CA10: variants seen among roughly 807,000 people sequenced by gnomAD.
The protein encoded by CA10 is carbonic anhydrase 10 (inactive).
CA10 carries 14 observed loss-of-function variants against 44.2 expected under a neutral mutation model. The observed-to-expected ratio is 0.32, with a 90% CI of 0.21 to 0.50. The LOEUF (loss-of-function observed/expected upper bound fraction) is 0.50. CA10 is among the 20% of genes least tolerant of loss of function. The pLI, the probability that CA10 is intolerant of heterozygous loss-of-function variation, is 0.99. For synonymous variants in CA10, 159 were observed against 141.6 expected (o/e 1.12, Z -0.87); for missense variants, 350 against 409.7 (o/e 0.85, Z 1.26).
chr17:52,118,278 T>C (rs1273417324), intron 1 of CA10, among the ~76,000 whole-genome samples: 1 of 152,212 alleles, frequency 6.6e-6, no homozygotes, highest in Non-Finnish European at 1.5e-5. Flanking sequence ...TTCATTTGCC[T>C]TGTGGATAGA....
chr17:51,960,440 G>C (rs1306446513), intron 2 of CA10, among the ~76,000 whole-genome samples: 2 of 151,912 alleles, frequency 1.3e-5, no homozygotes, highest in Non-Finnish European at 2.9e-5. Context: ...AAAATTTCAT[G>C]CAAATTCTCA....
At chr17:51,736,042 C>T (rs528157698) in intron 4 of CA10, among the ~76,000 whole-genome samples, 2 of 152,136 alleles carry the variant, frequency 1.3e-5, no homozygotes, top group Non-Finnish European at 1.5e-5. Flanking sequence ...TCATATTGTA[C>T]AGTTTAAATT....
At chr17:51,780,050 A>T (rs1905993131) in intron 3 of CA10, among the ~76,000 whole-genome samples, 1 of 150,866 alleles carries the variant, frequency 6.6e-6, no homozygotes, top group Non-Finnish European at 1.5e-5. Context: ...TTGGCAATTA[A>T]TACTTTTTAA....
At chr17:51,649,598 G>T (rs984511103) in intron 5 of CA10, among the ~76,000 whole-genome samples, 2 of 152,212 alleles carry the variant, frequency 1.3e-5, no homozygotes, top group Non-Finnish European at 2.9e-5. Context: ...TGGTGATAGA[G>T]TGTGAAAAGG....
At chr17:51,680,349 C>T (rs918592798) in intron 4 of CA10, among the ~76,000 whole-genome samples, 2 of 152,194 alleles carry the variant, frequency 1.3e-5, no homozygotes, top group African/African-American at 2.4e-5. Context: ...AGCCAGGTTG[C>T]TGTCCAGACT....
At chr17:52,112,307 G>T (rs754197105) in intron 1 of CA10, among the ~76,000 whole-genome samples, 1 of 152,030 alleles carries the variant, frequency 6.6e-6, no homozygotes, top group Non-Finnish European at 1.5e-5. Flanking sequence ...GAATATAGCT[G>T]AGCTCTAGAT....
intron 6 of CA10, among the ~76,000 whole-genome samples, chr17:51,639,892 C>T (rs528098609): frequency 3.3e-5 from 5 of 152,220 alleles, no homozygotes; most frequent in South Asian, 2.1e-4. Context: ...ACTTTGCTCA[C>T]GGGGTTGTTT....
chr17:51,752,421 TTTTTG>T (rs368915702), intron 3 of CA10, among the ~76,000 whole-genome samples: 103 of 152,142 alleles, frequency 6.8e-4, no homozygotes, highest in African/African-American at 2.4e-3. Context: ...CTCACAGTTC[TTTTTG>T]TTTTACCTTA....
chr17:51,804,247 GAAC>G (rs1485039241), intron 3 of CA10, among the ~76,000 whole-genome samples: 1 of 152,064 alleles, frequency 6.6e-6, no homozygotes, highest in East Asian at 1.9e-4. Context: ...GGAAAAAAGA[GAAC>G]AAGAAAAGAA....
chr17:52,060,441 C>T (rs1212981036), intron 2 of CA10, among the ~76,000 whole-genome samples: 1 of 151,986 alleles, frequency 6.6e-6, no homozygotes, highest in Non-Finnish European at 1.5e-5. Context: ...GTAATGTATC[C>T]AGGTTGGTTT....
intron 4 of CA10, among the ~76,000 whole-genome samples, chr17:51,674,743 T>C (rs1037000768): frequency 5.9e-5 from 9 of 152,338 alleles, no homozygotes; most frequent in African/African-American, 2.2e-4. Context: ...GCAGTTCACT[T>C]AACATTTTAT....
intron 4 of CA10, among the ~76,000 whole-genome samples, chr17:51,741,250 T>C (rs1904450641): frequency 6.6e-6 from 1 of 152,218 alleles, no homozygotes; most frequent in African/African-American, 2.4e-5. Flanking sequence ...TTCCAGTGGC[T>C]CTTAAATCCC....
At chr17:51,647,635 T>A (rs1913393881) in intron 6 of CA10, among the ~76,000 whole-genome samples, 1 of 152,204 alleles carries the variant, frequency 6.6e-6, no homozygotes, top group Non-Finnish European at 1.5e-5. Context: ...GTGTTGGGGC[T>A]TAATGTGTGA....
At chr17:51,777,951 T>C (rs1905895266) in intron 3 of CA10, among the ~76,000 whole-genome samples, 3 of 152,118 alleles carry the variant, frequency 2.0e-5, no homozygotes, top group South Asian at 4.1e-4. Flanking sequence ...ATAAATATTA[T>C]ATATAGATAC....
intron 1 of CA10, among the ~76,000 whole-genome samples, chr17:52,155,564 G>C (rs1989787121): frequency 6.6e-6 from 1 of 152,162 alleles, no homozygotes; most frequent in South Asian, 2.1e-4. Flanking sequence ...TGAATGAGTG[G>C]CTCTGCTTAC....
At chr17:51,948,961 AT>A (rs1368121385) in intron 2 of CA10, among the ~76,000 whole-genome samples, 4 of 152,202 alleles carry the variant, frequency 2.6e-5, no homozygotes, top group African/African-American at 9.6e-5. Flanking sequence ...TCCATAATAT[AT>A]TGAGTGATAA....
intron 2 of CA10, among the ~76,000 whole-genome samples, chr17:52,053,048 T>C (rs1441077345): frequency 6.6e-6 from 1 of 151,952 alleles, no homozygotes. Flanking sequence ...ACCACACAGC[T>C]GACACAGAAA....
intron 1 of CA10, among the ~76,000 whole-genome samples, chr17:52,114,363 T>C (rs1434061226): frequency 1.3e-5 from 2 of 152,200 alleles, no homozygotes; most frequent in Non-Finnish European, 2.9e-5. Flanking sequence ...CAAACTAAAC[T>C]ACCTAGGTTC....
intron 3 of CA10, among the ~76,000 whole-genome samples, chr17:51,814,633 G>A (rs1441791997): frequency 6.6e-6 from 1 of 152,086 alleles, no homozygotes; most frequent in Non-Finnish European, 1.5e-5. Context: ...AGGTTTTCTG[G>A]TGCTCCTGTT....
Sources: gnomAD v4.1 joint callset for allele counts (sites outside exome capture counted in the v4.1 genomes callset) on GRCh38, gnomAD v4.1.1 for gene constraint, MANE v1.5 for transcripts, NCBI Gene and HGNC (gene_info 2026-07-23, HGNC 2026-07-21) for gene names.